ANKS1B: variants seen among roughly 807,000 people sequenced by gnomAD.
The protein encoded by ANKS1B is ankyrin repeat and sterile alpha motif domain-containing protein 1B.
A neutral mutation model predicts 148.3 loss-of-function variants in ANKS1B; 36 were observed. The ratio of observed to expected loss-of-function variants is 0.24; its 90% CI spans 0.19 to 0.32. The LOEUF (loss-of-function observed/expected upper bound fraction) is 0.32, where lower values mean the gene tolerates loss of function less well. Ranked by LOEUF, ANKS1B falls within the 10% of genes least tolerant of loss-of-function variation. ANKS1B has a pLI of 1.00. For missense variants in ANKS1B, 1,157 were observed against 1,542.6 expected, an observed-to-expected ratio of 0.75 and a Z score of 4.19; for synonymous variants, 542 against 560.8, an observed-to-expected ratio of 0.97 and a Z score of 0.47.
intron 7 of ANKS1B, 109 bp from the exon 8 acceptor site, chr12:99,773,197 T>C (rs2063351942): frequency 3.4e-6 from 3 of 879,668 alleles, no homozygotes. Flanking sequence ...TATAACAAGA[T>C]TAAGCAGTCA....
intron 17 of ANKS1B, among the ~76,000 whole-genome samples, chr12:98,994,777 A>G (rs941326493): frequency 2.6e-5 from 4 of 152,038 alleles, no homozygotes; most frequent in African/African-American, 7.2e-5. Context: ...TTATGTCCCA[A>G]TTTCCTCTTT....
intron 8 of ANKS1B, among the ~76,000 whole-genome samples, chr12:99,715,496 CTT>C (rs1231477837): frequency 6.6e-6 from 1 of 152,160 alleles, no homozygotes; most frequent in Non-Finnish European, 1.5e-5. Flanking sequence ...TTCGCTGACT[CTT>C]TTCGGACTCA....
chr12:98,813,267 A>G (rs1175696386), intron 19 of ANKS1B, among the ~76,000 whole-genome samples: 1 of 150,496 alleles, frequency 6.6e-6, no homozygotes, highest in Non-Finnish European at 1.5e-5. Flanking sequence ...GCTGGAGTGC[A>G]GTGGTGCAAC....
chr12:98,866,556 C>T (rs1160432003), intron 17 of ANKS1B, among the ~76,000 whole-genome samples: 1 of 152,236 alleles, frequency 6.6e-6, no homozygotes, highest in Non-Finnish European at 1.5e-5. Flanking sequence ...AATATCACCT[C>T]GCCCATCCTT....
intron 17 of ANKS1B, among the ~76,000 whole-genome samples, chr12:98,869,298 G>A (rs182295516): frequency 6.6e-6 from 1 of 152,290 alleles, no homozygotes; most frequent in African/African-American, 2.4e-5. Context: ...TGAAGTTTCT[G>A]TCTCCACCAC....
At chr12:99,678,657 C>A (rs2098596302) in intron 8 of ANKS1B, among the ~76,000 whole-genome samples, 1 of 152,130 alleles carries the variant, frequency 6.6e-6, no homozygotes, top group African/African-American at 2.4e-5. Flanking sequence ...AAAAAAAAAT[C>A]TCTTTTTCTA....
chr12:99,968,292 T>TGA (rs1243047484), intron 1 of ANKS1B, among the ~76,000 whole-genome samples: 1 of 152,108 alleles, frequency 6.6e-6, no homozygotes, highest in Non-Finnish European at 1.5e-5. Context: ...GTGTGGTGGC[T>TGA]GACGCCTGTA....
At chr12:99,651,140 T>C (rs192950869) in intron 9 of ANKS1B, among the ~76,000 whole-genome samples, 72 of 152,272 alleles carry the variant, frequency 4.7e-4, no homozygotes, top group African/African-American at 1.7e-3. Context: ...CTGTATATAT[T>C]GTAAGGAAGC....
chr12:99,114,028 G>T (rs2153706172), intron 15 of ANKS1B, among the ~76,000 whole-genome samples: 1 of 152,222 alleles, frequency 6.6e-6, no homozygotes, highest in East Asian at 1.9e-4. Context: ...AGTAATAACA[G>T]CTTTGTAATA....
chr12:98,935,287 A>G (rs1274049738), intron 17 of ANKS1B, among the ~76,000 whole-genome samples: 3 of 152,098 alleles, frequency 2.0e-5, no homozygotes, highest in East Asian at 3.8e-4. Flanking sequence ...ATTGGTTTTC[A>G]TATGTTGAGC....
chr12:99,332,911 T>C (rs910646448), intron 12 of ANKS1B, among the ~76,000 whole-genome samples: 8 of 151,772 alleles, frequency 5.3e-5, no homozygotes, highest in African/African-American at 1.9e-4. Flanking sequence ...TGGTCAGAGA[T>C]AAGGCTGGAG....
intron 17 of ANKS1B, among the ~76,000 whole-genome samples, chr12:99,013,672 A>G (rs2099940755): frequency 6.6e-6 from 1 of 152,204 alleles, no homozygotes; most frequent in Admixed American, 6.5e-5. Context: ...AAGTCTCAGG[A>G]TACGAAATCA....
rs368190138 is a variant in ANKS1B, at chr12:99,715,560, T to C, written c.1128+57362A>G. ...GCTTTATTGCTCACACAAAGCCAGTTTGGTGGTCTCTTCACACGGATGCGC... is the reference window on the plus strand; with the variant it reads ...GCTTTATTGCTCACACAAAGCCAGTCTGGTGGTCTCTTCACACGGATGCGC... On this transcript the variant is annotated intron_variant, in intron 8 of 26. Coordinates refer to ENST00000683438, the MANE Select transcript of ANKS1B (RefSeq NM_001352186.2). Among the ~76,000 whole-genome samples, 4 of 152,308 alleles carry C rather than the reference T, an allele frequency of 2.6e-5. No homozygotes were observed. In the South Asian group the frequency reaches 6.2e-4, roughly 24 times the overall value.
chr12:98,786,769 T>C (rs927711180), intron 22 of ANKS1B, among the ~76,000 whole-genome samples: 7 of 152,108 alleles, frequency 4.6e-5, no homozygotes, highest in African/African-American at 1.4e-4. Context: ...CGAGTAAGAA[T>C]CATTAGTGCC....
At chr12:99,392,787 T>C (rs1398569714) in intron 12 of ANKS1B, among the ~76,000 whole-genome samples, 4 of 152,174 alleles carry the variant, frequency 2.6e-5, no homozygotes, top group South Asian at 2.1e-4. Flanking sequence ...TTAAAACGGA[T>C]ACTCTTTACT....
At chr12:99,092,260 C>T (rs2372643) in intron 15 of ANKS1B, among the ~76,000 whole-genome samples, 80,408 of 151,832 alleles carry the variant, frequency 0.53, 23,134 homozygotes, top group East Asian at 0.74. Context: ...ATATTAAATG[C>T]TTTAAATGGT....
chr12:98,968,536 T>A (rs1425704892), intron 17 of ANKS1B, among the ~76,000 whole-genome samples: 2 of 152,210 alleles, frequency 1.3e-5, no homozygotes, highest in Admixed American at 6.5e-5. Context: ...GGAAGTCCAC[T>A]GTGGTTTCCT....
At chr12:99,092,688 A>AGGATCTGTGTTTTATTTGGTCAGACTCT in intron 15 of ANKS1B, among the ~76,000 whole-genome samples, 1 of 152,136 alleles carries the variant, frequency 6.6e-6, no homozygotes, top group African/African-American at 2.4e-5. Context: ...CTGTCACTGT[A>AGGATCTGTGTTTTATTTGGTCAGACTCT]GATGCTGATG....
chr12:98,924,520 G>GTGT (rs2099805585), intron 17 of ANKS1B, among the ~76,000 whole-genome samples: 1 of 151,936 alleles, frequency 6.6e-6, no homozygotes, highest in Admixed American at 6.6e-5. Context: ...CTTCCCCCAA[G>GTGT]CCACCCTCTG....
Sources: gnomAD v4.1 joint callset for allele counts (sites outside exome capture counted in the v4.1 genomes callset) on GRCh38, gnomAD v4.1.1 for gene constraint, MANE v1.5 for transcripts, NCBI Gene and HGNC (gene_info 2026-07-23, HGNC 2026-07-21) for gene names.